HSPH1: variants seen among roughly 807,000 people sequenced by gnomAD.
HSPH1 encodes heat shock protein family H (Hsp110) member 1.
In HSPH1, 40 loss-of-function variants were observed where a neutral mutation model predicts 100.0. The ratio of observed to expected loss-of-function variants is 0.40; its 90% CI spans 0.31 to 0.52. The LOEUF is 0.52. HSPH1 is among the 20% of genes least tolerant of loss of function. The probability of loss-of-function intolerance (pLI) is 0.54; values close to 1 mark genes in which losing one functional copy is unlikely to be tolerated. For synonymous variants in HSPH1, 403 were observed against 344.0 expected, an observed-to-expected ratio of 1.17 and a Z score of -1.90; for missense variants, 876 against 1,015.1, an observed-to-expected ratio of 0.86 and a Z score of 1.86.
At chr13:31,150,672 T>C (rs137889985) in intron 7 of HSPH1, among the ~76,000 whole-genome samples, 1 of 152,304 alleles carries the variant, frequency 6.6e-6, no homozygotes, top group Non-Finnish European at 1.5e-5. Flanking sequence ...AGTTTTCAAT[T>C]ACTGGCCCAG....
intron 9 of HSPH1, 72 bp downstream of exon 9, chr13:31,148,302 C>G (rs1956344104): frequency 9.4e-7 from 1 of 1,065,402 alleles, no homozygotes; most frequent in Non-Finnish European, 1.4e-6. Flanking sequence ...GTTAATGACT[C>G]TACTAGAGAA....
rs1276360740 is a variant in HSPH1, at chr13:31,140,449, A to G, written c.1855-140T>C. 4 of 572,692 alleles carry G rather than the reference A, an allele frequency of 7.0e-6. No individual in the cohort carries two copies. The Admixed American group carries it at 1.1e-4, about 16-fold the overall frequency. The allele number at this position is 572,692 out of a possible 1,614,324, so 35.5% of individuals were successfully genotyped here. On this transcript the variant is annotated intron_variant, in intron 13 of 17. Transcript: ENST00000320027. ...ACAGTTCCAACTTATACCTTGTCAA[A>G]CTCTTCCTACAAACCAAACAGACAT...
chr13:31,147,768 C>T (rs1956321654), intron 10 of HSPH1, among the ~76,000 whole-genome samples, 191 bp downstream of exon 10: 1 of 152,090 alleles, frequency 6.6e-6, no homozygotes, highest in Non-Finnish European at 1.5e-5. Context: ...CATTCTATCT[C>T]TAGACCAGCT....
At chr13:31,151,531 C>A in intron 6 of HSPH1, 78 bp downstream of exon 6, 1 of 1,333,784 alleles carries the variant, frequency 7.5e-7, no homozygotes, top group Non-Finnish European at 1.0e-6. Flanking sequence ...GAAGAAAAAG[C>A]CTAGTAAAGA....
intron 4 of HSPH1, chr13:31,154,422 G>A: frequency 1.7e-6 from 1 of 600,804 alleles, no homozygotes; most frequent in South Asian, 2.0e-5. Context: ...TCTCACAAGA[G>A]ATTTTGATTT....
chr13:31,139,211 G>A (rs1208147837), intron 14 of HSPH1, 104 bp from the exon 15 acceptor site: 10 of 735,836 alleles, frequency 1.4e-5, no homozygotes, highest in Non-Finnish European at 2.4e-5. Flanking sequence ...TATCTAGGAA[G>A]GCACTCTGAT....
chr13:31,152,720 T>C, intron 5 of HSPH1, 132 bp downstream of exon 5: 1 of 626,848 alleles, frequency 1.6e-6, no homozygotes, highest in Non-Finnish European at 2.9e-6. Flanking sequence ...TTTTAAGAGG[T>C]AGACTTTTGT....
rs35594388 is a variant in HSPH1, at chr13:31,148,483, T to TAAAA, written c.1138-7_1138-4dup. On this transcript the variant is annotated splice_polypyrimidine_tract_variant and splice_region_variant and intron_variant, in intron 8 of 17. Transcript: ENST00000320027. ...AATGCCGGGGAAAGTATTGCACACTTAAAAAAAAAAAAAAAAATCATGAGC... is the reference window on the plus strand; with the variant it reads ...AATGCCGGGGAAAGTATTGCACACTTAAAAAAAAAAAAAAAAAAAAATCATGAGC... 9.1e-6 allele frequency: 9 copies of TAAAA among 985,082 alleles called. No individual in the cohort carries two copies. The highest frequency in any genetic ancestry group is 2.4e-5 in the South Asian group (1 of 42,398). The allele number at this position is 985,082 out of a possible 1,614,324, so 61.0% of individuals were successfully genotyped here. A position where few individuals can be genotyped will look rare whatever the true frequency, so the allele number is the denominator to read the frequency against.
intron 11 of HSPH1, among the ~76,000 whole-genome samples, chr13:31,144,670 C>T (rs997564217): frequency 6.6e-6 from 1 of 152,134 alleles, no homozygotes; most frequent in Non-Finnish European, 1.5e-5. Context: ...TCTGTCCACA[C>T]TGAACTCTCT....
At position 31,158,877 on chromosome 13, in the gene HSPH1, T is replaced by C. The variant is rs1223408623; in HGVS notation, c.108-14A>G. The C allele has an allele frequency of 2.0e-6, 3 of 1,506,244 alleles. No homozygotes were observed. The highest frequency in any genetic ancestry group is 2.8e-6 in the Non-Finnish European group (3 of 1,082,882). 93.3% of individuals were successfully genotyped at this position (1,506,244 alleles called of 1,614,324 possible). On this transcript the variant is annotated splice_polypyrimidine_tract_variant and intron_variant, in intron 1 of 17. Coordinates refer to ENST00000320027, the MANE Select transcript of HSPH1 (RefSeq NM_006644.4). The stretch of plus-strand genomic sequence containing the variant: ...GATATGACTGACCTAGAAAAAAATA[T>C]ATTCCAAAAAATTAAAAAGCATAAA...
At chr13:31,146,443 T>C (rs1956268047) in intron 10 of HSPH1, among the ~76,000 whole-genome samples, 1 of 152,138 alleles carries the variant, frequency 6.6e-6, no homozygotes, top group Admixed American at 6.5e-5. Flanking sequence ...TCCAGATGGG[T>C]GAGCACAAAC....
Position 31,158,844 on chromosome 13 carries a change from A to T in HSPH1, c.127T>A (p.Ser43Thr). The change falls in exon 2 of 18, where the codon TCA becomes ACA. Residue 43 changes from serine (S) to threonine (T), a missense_variant. Physicochemically the swap from Ser to Thr is moderately conservative, Grantham distance 58 (BLOSUM62 1). Coordinates refer to ENST00000320027, the MANE Select transcript of HSPH1 (RefSeq NM_006644.4). ...GCAACTCCGATTGTTCTATTTTTTG[A>T]TCCAAATGATATGACTGACCTAGAA... ...RCTPSVISFG[S>T]KNRTIGVAAK... is the part of the protein sequence containing the mutation. The T allele has an allele frequency of 1.9e-6, 3 of 1,600,228 alleles. No individual in the cohort carries two copies. Among genetic ancestry groups the T allele is most frequent in the South Asian group, 1.1e-5 (1 of 90,792 alleles).
chr13:31,149,887 C>A, intron 8 of HSPH1, 67 bp downstream of exon 8: 2 of 1,256,290 alleles, frequency 1.6e-6, no homozygotes, highest in Non-Finnish European at 2.3e-6. Flanking sequence ...ATTATCCCAC[C>A]ATGACGACAT....
exon 1 of HSPH1, chr13:31,161,897 ACCGACCCAAAAGGG>A: frequency 6.7e-7 from 1 of 1,500,102 alleles, no homozygotes; most frequent in Non-Finnish European, 8.9e-7. Context: ...GCGCTGAACT[ACCGACCCAAAAGGG>A]GAGGTCCCAC....
intron 4 of HSPH1, among the ~76,000 whole-genome samples, chr13:31,153,624 A>G (rs1956566077): frequency 6.6e-6 from 1 of 152,202 alleles, no homozygotes; most frequent in South Asian, 2.1e-4. Flanking sequence ...TATTCAGGAA[A>G]AAAAGTATCT....
intron 1 of HSPH1, among the ~76,000 whole-genome samples, chr13:31,160,582 A>C (rs1449068895): frequency 2.6e-5 from 4 of 152,180 alleles, no homozygotes; most frequent in Non-Finnish European, 1.5e-5. Context: ...TCTCGTCCGA[A>C]AATATCCCTT....
chr13:31,162,169 T>C, upstream of HSPH1: 2 of 1,321,650 alleles, frequency 1.5e-6, no homozygotes, highest in Non-Finnish European at 2.1e-6. Context: ...CACAGGCGTT[T>C]TGCTGCCCTA....
In HSPH1 at chr13:31,155,635, T is replaced by C. The variant is rs1035135708; in HGVS notation, c.185A>G (p.Asn62Ser). 6.2e-7 allele frequency: 1 copy of C among 1,607,930 alleles called. No homozygotes were observed. Among genetic ancestry groups the C allele is most frequent in the Non-Finnish European group, 8.5e-7 (1 of 1,177,328 alleles). ...AAATCTTTTGAAGTTAGACACCGTA[T>C]TGTTTGCATGAGTGATTTGCTGCAA... ...AKNQQITHAN[N>S]TVSNFKRFHG... The change falls in exon 3 of 18, where the codon AAT (asparagine) becomes AGT (serine). Residue 62 changes from asparagine (N) to serine (S), a missense_variant. By Grantham distance (46) the Asn-to-Ser change is conservative (BLOSUM62 1). Transcript: ENST00000320027.
chr13:31,157,311 T>A (rs908498240), intron 2 of HSPH1, among the ~76,000 whole-genome samples: 3 of 152,218 alleles, frequency 2.0e-5, no homozygotes, highest in African/African-American at 7.2e-5. Flanking sequence ...ACAACTAAAG[T>A]CCCACTATCC....
Sources: allele counts gnomAD v4.1 joint callset (sites outside exome capture counted in the v4.1 genomes callset), GRCh38; gene constraint gnomAD v4.1.1; transcripts MANE v1.5; gene names NCBI Gene and HGNC (gene_info 2026-07-23, HGNC 2026-07-21).